PDE7B: variants seen among roughly 807,000 people sequenced by gnomAD.
The protein encoded by PDE7B is 3',5'-cyclic-AMP phosphodiesterase 7B.
In PDE7B, 29 loss-of-function variants were observed where a neutral mutation model predicts 56.2. The ratio of observed to expected loss-of-function variants is 0.52; its 90% CI spans 0.38 to 0.70. The LOEUF (loss-of-function observed/expected upper bound fraction) is 0.70. Ranked by LOEUF, PDE7B falls within the 30% of genes least tolerant of loss-of-function variation. PDE7B has a pLI of 0.00. For synonymous variants in PDE7B, 197 were observed against 196.9 expected (o/e 1.00, Z 0.00); for missense variants, 490 against 565.0 (o/e 0.87, Z 1.35).
Position 136,038,037 on chromosome 6 carries a change from G to T in PDE7B, c.83-70694G>T, listed in dbSNP as rs758006838. On this transcript the variant is annotated intron_variant, in intron 2 of 12. Transcript: ENST00000308191. ...GTTTCTCACCAGAGAGAAACCTAGG[G>T]AAGTGAATCGCTCTCGTCGGCAGTG... The T allele has an allele frequency of 5.3e-6, 7 of 1,329,564 alleles. No individual in the cohort carries two copies. The South Asian group carries it at 8.3e-5, about 16-fold the overall frequency. The allele number at this position is 1,329,564 out of a possible 1,614,324, so 82.4% of individuals were successfully genotyped here.
At chr6:136,082,724 A>G (rs570441767) in intron 2 of PDE7B, among the ~76,000 whole-genome samples, 1 of 152,308 alleles carries the variant, frequency 6.6e-6, no homozygotes, top group South Asian at 2.1e-4. Context: ...ATGCTTTTCA[A>G]TCTCACATAC....
intron 2 of PDE7B, among the ~76,000 whole-genome samples, chr6:136,092,126 T>G (rs748065604): frequency 6.6e-6 from 1 of 152,216 alleles, no homozygotes. Context: ...TAATAATACA[T>G]GAGTATAACA....
chr6:136,008,589 G>A (rs1225333899), intron 2 of PDE7B, among the ~76,000 whole-genome samples: 3 of 152,342 alleles, frequency 2.0e-5, no homozygotes, highest in Non-Finnish European at 2.9e-5. Context: ...GGCCAGTGAG[G>A]ATGAGCATTT....
chr6:136,084,873 C>A (rs1452246275), intron 2 of PDE7B, among the ~76,000 whole-genome samples: 1 of 152,022 alleles, frequency 6.6e-6, no homozygotes, highest in Non-Finnish European at 1.5e-5. Flanking sequence ...GCAGGGGGTT[C>A]ATTTCATTTC....
chr6:135,915,688 T>C (rs6899330), intron 1 of PDE7B, among the ~76,000 whole-genome samples: 108,152 of 152,070 alleles, frequency 0.71, 38,887 homozygotes, highest in East Asian at 0.85. Flanking sequence ...CGGAAATCGC[T>C]CTATGCTCTG....
chr6:135,962,254 C>A (rs1464992708), intron 2 of PDE7B, among the ~76,000 whole-genome samples: 1 of 152,064 alleles, frequency 6.6e-6, no homozygotes, highest in Non-Finnish European at 1.5e-5. Context: ...TAAACTTAAC[C>A]TTCATGTGTT....
intron 2 of PDE7B, among the ~76,000 whole-genome samples, chr6:135,977,639 T>C (rs1381684455): frequency 6.6e-6 from 1 of 152,012 alleles, no homozygotes; most frequent in Non-Finnish European, 1.5e-5. Flanking sequence ...CGAGACCAAT[T>C]TATTATCCCT....
intron 2 of PDE7B, among the ~76,000 whole-genome samples, chr6:135,955,217 G>A (rs1007364024): frequency 3.3e-5 from 5 of 152,028 alleles, no homozygotes; most frequent in African/African-American, 1.2e-4. Flanking sequence ...ACACAGGGAC[G>A]ACCACACAAA....
At chr6:135,995,745 A>G (rs1361043911) in intron 2 of PDE7B, among the ~76,000 whole-genome samples, 2 of 152,242 alleles carry the variant, frequency 1.3e-5, no homozygotes, top group East Asian at 3.8e-4. Flanking sequence ...ATATCCATTA[A>G]CTAAAGACAT....
rs1583871642 is a variant in PDE7B at position 136,083,411 on chromosome 6, A to G, written c.83-25320A>G. On this transcript the variant is annotated intron_variant, in intron 2 of 12. Coordinates refer to ENST00000308191, the MANE Select transcript of PDE7B (RefSeq NM_018945.4). ...TACTTGCATCTATGCCCACCTGTAT[A>G]GAAAAAAAATGGCTTTTCTACTCAT... Among the ~76,000 whole-genome samples the G allele has an allele frequency of 2.6e-5, 4 of 152,286 alleles. No individual in the cohort carries two copies. In the East Asian group the frequency reaches 7.7e-4, roughly 29 times the overall value.
intron 2 of PDE7B, among the ~76,000 whole-genome samples, chr6:136,020,619 A>C (rs1216981392): frequency 6.6e-6 from 1 of 151,876 alleles, no homozygotes; most frequent in Non-Finnish European, 1.5e-5. Context: ...TGCACTGGCC[A>C]AGATCAAACA....
chr6:135,954,942 G>A (rs1045940514), intron 2 of PDE7B, among the ~76,000 whole-genome samples: 1 of 152,074 alleles, frequency 6.6e-6, no homozygotes, highest in Non-Finnish European at 1.5e-5. Context: ...GCTACCTGCA[G>A]AATAACAACA....
chr6:136,101,859 G>C (rs1042520832), intron 2 of PDE7B, among the ~76,000 whole-genome samples: 8 of 152,180 alleles, frequency 5.3e-5, no homozygotes, highest in African/African-American at 1.9e-4. Flanking sequence ...TAATGTTGCT[G>C]TGAAGAAACA....
intron 8 of PDE7B, chr6:136,165,756 A>C (rs1374290026): frequency 6.6e-6 from 1 of 152,242 alleles, no homozygotes; most frequent in Non-Finnish European, 1.5e-5. Flanking sequence ...ACCTTCCTGG[A>C]AATCCCACGC....
chr6:135,992,863 T>A (rs1775499421), intron 2 of PDE7B, among the ~76,000 whole-genome samples: 1 of 152,236 alleles, frequency 6.6e-6, no homozygotes, highest in African/African-American at 2.4e-5. Flanking sequence ...TTACAGTTTA[T>A]AAAGTGCTTT....
chr6:136,154,349 C>T (rs1187766064), intron 7 of PDE7B, among the ~76,000 whole-genome samples, 174 bp downstream of exon 7: 2 of 149,006 alleles, frequency 1.3e-5, no homozygotes, highest in Non-Finnish European at 3.0e-5. Context: ...ACAATGTTCA[C>T]GAAAAAGGAT....
chr6:136,110,842 G>A (rs114588986), intron 3 of PDE7B, among the ~76,000 whole-genome samples: 23 of 151,346 alleles, frequency 1.5e-4, no homozygotes, highest in African/African-American at 4.4e-4. Context: ...TGTTCACCAC[G>A]TAAGAGATCA....
At chr6:136,088,677 G>A (rs1458864815) in intron 2 of PDE7B, among the ~76,000 whole-genome samples, 3 of 152,176 alleles carry the variant, frequency 2.0e-5, no homozygotes, top group Admixed American at 2.0e-4. Context: ...AGGACAGTAG[G>A]CTGGGGGGAT....
At chr6:135,923,771 CAA>C (rs1404097225) in intron 1 of PDE7B, among the ~76,000 whole-genome samples, 2 of 151,988 alleles carry the variant, frequency 1.3e-5, no homozygotes, top group African/African-American at 4.8e-5. Flanking sequence ...AATTAAAACA[CAA>C]GTGACAAACT....
Sources: allele counts gnomAD v4.1 joint callset (sites outside exome capture counted in the v4.1 genomes callset), GRCh38; gene constraint gnomAD v4.1.1; transcripts MANE v1.5; gene names NCBI Gene and HGNC (gene_info 2026-07-23, HGNC 2026-07-21).